Variants in GNGT1 observed in about 807,000 individuals in gnomAD.
GNGT1 encodes the protein G protein subunit gamma transducin 1, also known as guanine nucleotide-binding protein G(T) subunit gamma-T1.
In GNGT1, 4 loss-of-function variants were observed where a neutral mutation model predicts 7.4. The observed-to-expected ratio is 0.54, with a 90% confidence interval of 0.27 to 1.24. The LOEUF is 1.24. Ranked by LOEUF, GNGT1 falls within the 50% of genes most tolerant of loss-of-function variation. The pLI, the probability that GNGT1 is intolerant of heterozygous loss-of-function variation, is 0.12. For synonymous variants in GNGT1, 37 were observed against 30.2 expected, an observed-to-expected ratio of 1.23 and a Z score of -0.74; for missense variants, 95 against 82.4, an observed-to-expected ratio of 1.15 and a Z score of -0.59.
chr7:93,906,969 A>C, intron 2 of GNGT1, 127 bp downstream of exon 2: 1 of 535,236 alleles, frequency 1.9e-6, no homozygotes, highest in Non-Finnish European at 3.2e-6. Flanking sequence ...AAATTTATCA[A>C]AGATTAAGAA....
intron 2 of GNGT1, among the ~76,000 whole-genome samples, chr7:93,908,501 C>A (rs1015130945): frequency 9.2e-5 from 14 of 152,054 alleles, no homozygotes; most frequent in Admixed American, 9.2e-4. Context: ...TCTCTGGGGT[C>A]TCTTTTATAA....
chr7:93,910,011 T>C (rs1026665567), intron 2 of GNGT1: 2 of 153,366 alleles, frequency 1.3e-5, no homozygotes, highest in African/African-American at 2.4e-5. Context: ...TGTGTATGTA[T>C]ATATATGTAT....
chr7:93,907,241 C>G (rs1233043841), intron 2 of GNGT1, among the ~76,000 whole-genome samples: 1 of 151,612 alleles, frequency 6.6e-6, no homozygotes, highest in Admixed American at 6.6e-5. Flanking sequence ...GAGACAAAAA[C>G]CATATTTTAG....
chr7:93,910,538 G>A, intron 2 of GNGT1: 1 of 200,310 alleles, frequency 5.0e-6, no homozygotes, highest in Non-Finnish European at 1.0e-5. Context: ...TTTGATGTTG[G>A]AGGCAGTGTC....
Position 93,910,941 on chromosome 7 carries a change from T to G in GNGT1, c.*23T>G, listed in dbSNP as rs1794457057. ...TAATACAAACAAAAAGAAAAAAAAT[T>G]AAACAAATTCTTGGAAATATCTCAA... On this transcript the variant is annotated 3_prime_UTR_variant, in exon 3 of 3. Coordinates refer to ENST00000248572, the MANE Select transcript of GNGT1 (RefSeq NM_021955.5). 6.6e-7 allele frequency: 1 copy of G among 1,516,642 alleles called. No individual in the cohort carries two copies. 93.9% of individuals were successfully genotyped at this position (1,516,642 alleles called of 1,614,324 possible).
intron 2 of GNGT1, among the ~76,000 whole-genome samples, chr7:93,908,076 A>T (rs1175836949): frequency 3.3e-5 from 5 of 152,170 alleles, no homozygotes; most frequent in Non-Finnish European, 5.9e-5. Flanking sequence ...CGTGTTTATT[A>T]TTCACTTGTG....
At chr7:93,908,061 G>A (rs953571374) in intron 2 of GNGT1, among the ~76,000 whole-genome samples, 3 of 152,128 alleles carry the variant, frequency 2.0e-5, no homozygotes, top group African/African-American at 4.8e-5. Flanking sequence ...CAAGGTGATT[G>A]TCTTCGTGTT....
rs1794376798 is a variant in GNGT1 at position 93,906,609 on chromosome 7, G to A, written c.-47G>A. ...GAGCTCATATGAAATTGGTTATCGT[G>A]GGATATTTAAAATAAAACAAAGAAC... On this transcript the variant is annotated 5_prime_UTR_variant, in exon 1 of 3. Coordinates refer to ENST00000248572, the MANE Select transcript of GNGT1 (RefSeq NM_021955.5). 1.6e-6 allele frequency: 1 copy of A among 639,474 alleles called. No homozygotes were observed. The highest frequency in any genetic ancestry group is 1.9e-5 in the African/African-American group (1 of 51,762). The allele number at this position is 639,474 out of a possible 1,614,324, so 39.6% of individuals were successfully genotyped here.
chr7:93,910,579 G>A (rs1265811836), intron 2 of GNGT1: 4 of 248,950 alleles, frequency 1.6e-5, no homozygotes, highest in Non-Finnish European at 7.7e-6. Flanking sequence ...AGTGTGGCCA[G>A]CTGTTTTTCC....
intron 2 of GNGT1, chr7:93,909,736 T>C: frequency 4.6e-6 from 2 of 433,012 alleles, no homozygotes; most frequent in Non-Finnish European, 8.2e-6. Flanking sequence ...CAGTTGAAAA[T>C]AATTTGTTTT....
At chr7:93,910,756 C>A in intron 2 of GNGT1, 34 bp from the exon 3 acceptor site, 1 of 1,530,784 alleles carries the variant, frequency 6.5e-7, no homozygotes, top group Non-Finnish European at 8.9e-7. Flanking sequence ...CTGTTTTAAA[C>A]CAAATGAGTC....
At chr7:93,906,914 T>G in intron 2 of GNGT1, 72 bp downstream of exon 2, 2 of 821,544 alleles carry the variant, frequency 2.4e-6, no homozygotes, top group Non-Finnish European at 3.9e-6. Context: ...TAGAAAACAT[T>G]GGCTGGAAAG....
At position 93,906,649 on chromosome 7, in the gene GNGT1, G is replaced by T; in HGVS notation, c.-12+5G>T. 6 of 732,766 alleles carry T rather than the reference G, an allele frequency of 8.2e-6. No homozygotes were observed. Among genetic ancestry groups the T allele is most frequent in the African/African-American group, 1.8e-5 (1 of 54,818 alleles). The allele number at this position is 732,766 out of a possible 1,614,324, so 45.4% of individuals were successfully genotyped here. ...AAACAAAGAACAGTTTACTTTGTAAGTTAAGAGCTGAGGGAATTGTTGGCT... is the reference window on the plus strand; with the variant it reads ...AAACAAAGAACAGTTTACTTTGTAATTTAAGAGCTGAGGGAATTGTTGGCT... On this transcript the variant is annotated splice_donor_5th_base_variant and intron_variant, in intron 1 of 2. Coordinates refer to ENST00000248572, the MANE Select transcript of GNGT1 (RefSeq NM_021955.5).
chr7:93,911,126 A>C lies in GNGT1; in HGVS notation c.*208A>C. On this transcript the variant is annotated 3_prime_UTR_variant, in exon 3 of 3. Coordinates refer to ENST00000248572, the MANE Select transcript of GNGT1 (RefSeq NM_021955.5). ...ATAGCTGGCACAGGGTTTAACACATAATTGCCAATAAATATTGCTTAAAGT... is the reference window on the plus strand; with the variant it reads ...ATAGCTGGCACAGGGTTTAACACATCATTGCCAATAAATATTGCTTAAAGT... The C allele has an allele frequency of 3.5e-6, 1 of 282,596 alleles. No homozygotes were observed. The highest frequency in any genetic ancestry group is 6.6e-6 in the Non-Finnish European group (1 of 151,126). The allele number at this position is 282,596 out of a possible 1,614,324, so 17.5% of individuals were successfully genotyped here. A position where few individuals can be genotyped will look rare whatever the true frequency, so the allele number is the denominator to read the frequency against.
rs2115888627 is a variant in GNGT1 at position 93,906,582 on chromosome 7, G to C, written c.-74G>C. ...GTGCATTGCTAGAATTGTTAAGAGA[G>C]AGAGCTCATATGAAATTGGTTATCG... On this transcript the variant is annotated 5_prime_UTR_variant, in exon 1 of 3. Transcript: ENST00000248572. 1 of 589,234 alleles carries C rather than the reference G, an allele frequency of 1.7e-6. No individual in the cohort carries two copies. Among genetic ancestry groups the C allele is most frequent in the Non-Finnish European group, 3.0e-6 (1 of 334,214 alleles). 36.5% of individuals were successfully genotyped at this position (589,234 alleles called of 1,614,324 possible). A position where few individuals can be genotyped will look rare whatever the true frequency, so the allele number is the denominator to read the frequency against.
At chr7:93,910,118 T>C (rs957938495) in intron 2 of GNGT1, 2 of 152,238 alleles carry the variant, frequency 1.3e-5, no homozygotes, top group African/African-American at 4.8e-5. Context: ...TAAGGCCTGA[T>C]TTTTTACTAA....
intron 2 of GNGT1, chr7:93,910,435 T>C (rs1794444212): frequency 6.5e-6 from 1 of 154,008 alleles, no homozygotes; most frequent in Non-Finnish European, 1.4e-5. Flanking sequence ...AGTCACATTT[T>C]TGGGATGAGG....
At chr7:93,907,474 A>G (rs769271455) in intron 2 of GNGT1, among the ~76,000 whole-genome samples, 3 of 152,200 alleles carry the variant, frequency 2.0e-5, no homozygotes, top group Non-Finnish European at 2.9e-5. Context: ...GAGTTCAAAC[A>G]TAAGAACTCA....
intron 2 of GNGT1, among the ~76,000 whole-genome samples, chr7:93,907,645 A>G (rs2115891948): frequency 6.6e-6 from 1 of 152,334 alleles, no homozygotes; most frequent in East Asian, 1.9e-4. Context: ...ATTTTAGGAA[A>G]GTTATTAACA....
Sources: gnomAD v4.1 joint callset for allele counts (sites outside exome capture counted in the v4.1 genomes callset) on GRCh38, gnomAD v4.1.1 for gene constraint, MANE v1.5 for transcripts, NCBI Gene and HGNC (gene_info 2026-07-23, HGNC 2026-07-21) for gene names.